The following DTNB variants were observed in gnomAD, a reference collection of about 807,000 sequenced individuals.
The protein encoded by DTNB is DTN-B.
In DTNB, 63 loss-of-function variants were observed where a neutral mutation model predicts 90.7. That is an observed-to-expected ratio of 0.69 (90% CI 0.57 to 0.86). The LOEUF (loss-of-function observed/expected upper bound fraction) is 0.86, where lower values mean the gene tolerates loss of function less well. DTNB is among the 40% of genes least tolerant of loss of function. The pLI, the probability that DTNB is intolerant of heterozygous loss-of-function variation, is 0.00. For synonymous variants in DTNB, 277 were observed against 286.7 expected (o/e 0.97, Z 0.34); for missense variants, 744 against 807.1 (o/e 0.92, Z 0.95).
intron 8 of DTNB, among the ~76,000 whole-genome samples, chr2:25,557,078 C>T (rs920407740): frequency 5.9e-5 from 9 of 152,154 alleles, no homozygotes; most frequent in African/African-American, 2.2e-4. Flanking sequence ...GTAATGGGTT[C>T]CATGGCAGAA....
chr2:25,657,465 C>T (rs1352466535), intron 1 of DTNB, among the ~76,000 whole-genome samples: 1 of 152,070 alleles, frequency 6.6e-6, no homozygotes, highest in Non-Finnish European at 1.5e-5. Context: ...ACCTGTAATC[C>T]CAACAGGATG....
At chr2:25,530,829 A>C (rs1048224561) in intron 9 of DTNB, among the ~76,000 whole-genome samples, 1 of 152,202 alleles carries the variant, frequency 6.6e-6, no homozygotes, top group Admixed American at 6.5e-5. Flanking sequence ...AGGGAAGCAT[A>C]GTATCATCAT....
At chr2:25,520,127 T>C (rs2075879606) in intron 9 of DTNB, among the ~76,000 whole-genome samples, 1 of 152,228 alleles carries the variant, frequency 6.6e-6, no homozygotes, top group South Asian at 2.1e-4. Context: ...CTCTCGCCTG[T>C]AATCCCAGCA....
chr2:25,586,130 CA>C (rs2062357309), intron 6 of DTNB, among the ~76,000 whole-genome samples: 1 of 152,114 alleles, frequency 6.6e-6, no homozygotes. Context: ...AACGAGGATG[CA>C]AATACATTAT....
chr2:25,480,602 C>T (rs2064746686), intron 10 of DTNB, among the ~76,000 whole-genome samples: 1 of 152,184 alleles, frequency 6.6e-6, no homozygotes, highest in Non-Finnish European at 1.5e-5. Context: ...GAAAGCCATG[C>T]TCCTTCTAAT....
intron 16 of DTNB, among the ~76,000 whole-genome samples, chr2:25,418,063 G>A (rs1293640733): frequency 6.6e-6 from 1 of 152,176 alleles, no homozygotes; most frequent in East Asian, 1.9e-4. Context: ...CCATGTAAGT[G>A]TACCTACTGA....
chr2:25,537,892 A>G (rs960054641), intron 8 of DTNB, among the ~76,000 whole-genome samples: 4 of 152,202 alleles, frequency 2.6e-5, no homozygotes, highest in Admixed American at 6.5e-5. Context: ...TTAAGCTCCT[A>G]TATCAGAGAT....
intron 8 of DTNB, among the ~76,000 whole-genome samples, chr2:25,545,764 G>C (rs932196235): frequency 6.6e-6 from 1 of 152,138 alleles, no homozygotes; most frequent in African/African-American, 2.4e-5. Flanking sequence ...TGGGACTACA[G>C]GTGTGTGCCA....
chr2:25,625,024 A>G (rs1188076457), intron 4 of DTNB, among the ~76,000 whole-genome samples: 2 of 152,222 alleles, frequency 1.3e-5, no homozygotes, highest in African/African-American at 4.8e-5. Flanking sequence ...CTTAAGGAAA[A>G]GTCTTAGATC....
chr2:25,444,005 G>C (rs2150069131), intron 12 of DTNB, among the ~76,000 whole-genome samples: 1 of 152,224 alleles, frequency 6.6e-6, no homozygotes, highest in Non-Finnish European at 1.5e-5. Flanking sequence ...AAAGAAAGCT[G>C]CTCAGAAATA....
At chr2:25,563,789 C>G (rs1027473408) in intron 8 of DTNB, among the ~76,000 whole-genome samples, 1 of 152,212 alleles carries the variant, frequency 6.6e-6, no homozygotes, top group Admixed American at 6.5e-5. Flanking sequence ...TCTGGAGTCT[C>G]AATTCTATCT....
At position 25,451,707 on chromosome 2, in the gene DTNB, C is replaced by G. The variant is rs150224124; in HGVS notation, c.1170-72G>C. 1.0e-3 allele frequency: 1,401 copies of G among 1,370,488 alleles called. 11 individuals are homozygous for G. The African/African-American group carries it at 0.018, about 17-fold the overall frequency. 84.9% of individuals were successfully genotyped at this position (1,370,488 alleles called of 1,614,324 possible). A position where few individuals can be genotyped will look rare whatever the true frequency, so the allele number is the denominator to read the frequency against. ...ATTCTTGTTCCATTCTCAGAAAGAACAGATGGAAGAAAAGCTCATAAAAGA... is the reference window on the plus strand; with the variant it reads ...ATTCTTGTTCCATTCTCAGAAAGAAGAGATGGAAGAAAAGCTCATAAAAGA... On this transcript the variant is annotated intron_variant, in intron 11 of 20. Transcript: ENST00000406818.
chr2:25,621,962 T>C (rs2072822641), intron 4 of DTNB, among the ~76,000 whole-genome samples: 1 of 152,228 alleles, frequency 6.6e-6, no homozygotes, highest in Non-Finnish European at 1.5e-5. Context: ...CAATACCGTA[T>C]TTTGTATTTT....
At chr2:25,638,322 C>T (rs1271143036) in intron 3 of DTNB, among the ~76,000 whole-genome samples, 5 of 152,070 alleles carry the variant, frequency 3.3e-5, no homozygotes, top group African/African-American at 4.8e-5. Context: ...CAAACCTGCA[C>T]GTTGTGCACA....
chr2:25,653,517 T>A (rs1290435432), intron 1 of DTNB, among the ~76,000 whole-genome samples: 1 of 134,602 alleles, frequency 7.4e-6, no homozygotes, highest in African/African-American at 2.8e-5. Flanking sequence ...CTTTCTTTCT[T>A]TTTTTTTTTT....
intron 2 of DTNB, among the ~76,000 whole-genome samples, chr2:25,644,722 G>A (rs1035373988): frequency 6.6e-6 from 1 of 152,176 alleles, no homozygotes; most frequent in African/African-American, 2.4e-5. Context: ...TTGTGCCACT[G>A]CACTCCAGCC....
At chr2:25,510,799 C>T (rs750202172) in intron 9 of DTNB, among the ~76,000 whole-genome samples, 1 of 152,204 alleles carries the variant, frequency 6.6e-6, no homozygotes, top group East Asian at 1.9e-4. Flanking sequence ...TGAGCCACCA[C>T]GCCCAGCTTA....
chr2:25,612,391 C>G (rs1419249015), intron 4 of DTNB, among the ~76,000 whole-genome samples: 1 of 151,970 alleles, frequency 6.6e-6, no homozygotes, highest in African/African-American at 2.4e-5. Context: ...CTGGTTGCCG[C>G]CAGGGTGGGA....
At chr2:25,427,105 G>A (rs1276847976) in intron 15 of DTNB, among the ~76,000 whole-genome samples, 1 of 151,954 alleles carries the variant, frequency 6.6e-6, no homozygotes, top group African/African-American at 2.4e-5. Flanking sequence ...TTGAACCTGG[G>A]AGGCGGAGGT....
Sources: allele counts gnomAD v4.1 joint callset (sites outside exome capture counted in the v4.1 genomes callset), GRCh38; gene constraint gnomAD v4.1.1; transcripts MANE v1.5; gene names NCBI Gene and HGNC (gene_info 2026-07-23, HGNC 2026-07-21).